RARB: variants seen among roughly 807,000 people sequenced by gnomAD.
RARB encodes HBV-activated protein.
Under a neutral mutation model 51.9 loss-of-function variants are expected in RARB, and 17 were observed. The ratio of observed to expected loss-of-function variants is 0.33; its 90% CI spans 0.22 to 0.49. The LOEUF (loss-of-function observed/expected upper bound fraction) is 0.49, where lower values mean the gene tolerates loss of function less well. Ranked by LOEUF, RARB falls within the 20% of genes least tolerant of loss-of-function variation. The probability of loss-of-function intolerance (pLI) is 0.99; values close to 1 mark genes in which losing one functional copy is unlikely to be tolerated. For missense variants in RARB, 369 were observed against 550.8 expected (o/e 0.67, Z 3.30); for synonymous variants, 215 against 195.4 (o/e 1.10, Z -0.84).
intron 2 of RARB, among the ~76,000 whole-genome samples, chr3:24,952,262 T>A (rs999816024): frequency 6.6e-6 from 1 of 151,820 alleles, no homozygotes; most frequent in Admixed American, 6.6e-5. Flanking sequence ...TTTTAGTGAA[T>A]TAAATTTACA....
At chr3:25,076,165 A>G (rs1226364160) in intron 3 of RARB, among the ~76,000 whole-genome samples, 4 of 151,578 alleles carry the variant, frequency 2.6e-5, no homozygotes, top group African/African-American at 9.7e-5. Flanking sequence ...TTTTTTAGAC[A>G]AAATCTCTCT....
intron 2 of RARB, among the ~76,000 whole-genome samples, chr3:25,470,093 C>G (rs1695613692): frequency 6.6e-6 from 1 of 152,092 alleles, no homozygotes; most frequent in East Asian, 1.9e-4. Context: ...TAGACTAACC[C>G]TTTTGAGGTA....
At chr3:25,148,261 G>A (rs1290065135) in intron 4 of RARB, among the ~76,000 whole-genome samples, 3 of 151,544 alleles carry the variant, frequency 2.0e-5, no homozygotes, top group Non-Finnish European at 3.0e-5. Flanking sequence ...GAAACACACC[G>A]TTCAATTCAC....
intron 5 of RARB, among the ~76,000 whole-genome samples, chr3:25,413,072 A>C (rs1707609462): frequency 6.6e-6 from 1 of 152,056 alleles, no homozygotes; most frequent in Non-Finnish European, 1.5e-5. Context: ...CCCGAACACC[A>C]AAAGCTCCTT....
At chr3:25,493,202 T>C (rs962295592) in intron 2 of RARB, among the ~76,000 whole-genome samples, 2 of 152,138 alleles carry the variant, frequency 1.3e-5, no homozygotes, top group Non-Finnish European at 2.9e-5. Context: ...ATAGGGTGTT[T>C]TTCTACTTTC....
At chr3:25,408,555 G>A (rs76135691) in intron 5 of RARB, among the ~76,000 whole-genome samples, 12,998 of 152,062 alleles carry the variant, frequency 0.085, 579 homozygotes, top group Middle Eastern at 0.16. Flanking sequence ...AACCATATCA[G>A]ACTGCAAATA....
chr3:25,151,866 A>G (rs1022051446), intron 4 of RARB, among the ~76,000 whole-genome samples: 1 of 152,046 alleles, frequency 6.6e-6, no homozygotes, highest in Non-Finnish European at 1.5e-5. Context: ...GCTTTTCTTC[A>G]CTTCAGCTAC....
At chr3:25,532,934 A>T (rs1470499757) in intron 3 of RARB, among the ~76,000 whole-genome samples, 1 of 152,208 alleles carries the variant, frequency 6.6e-6, no homozygotes, top group Non-Finnish European at 1.5e-5. Flanking sequence ...CTTGAGTCCT[A>T]TGCTTGCAAT....
Position 25,129,037 on chromosome 3 carries a change from C to T in RARB, c.-327-3124C>T, listed in dbSNP as rs192462656. Reference sequence around the variant, plus strand: ...ATGTAAGTTCTAATGAGAAACAGCCCATATCTAGAAAAAATAGTGTTTAAC... The same window carrying T: ...ATGTAAGTTCTAATGAGAAACAGCCTATATCTAGAAAAAATAGTGTTTAAC... On this transcript the variant is annotated intron_variant, in intron 3 of 11. Transcript: ENST00000383772. Among the ~76,000 whole-genome samples the T allele has an allele frequency of 1.1e-3, 171 of 151,970 alleles. 1 individual carries two copies. The highest frequency in any genetic ancestry group is 4.1e-3 in the African/African-American group (170 of 41,472).
chr3:24,880,021 A>C lies in RARB; in HGVS notation c.-380+21269A>C, dbSNP rs1703128457. On this transcript the variant is annotated intron_variant, in intron 2 of 11. Coordinates refer to the RARB transcript ENST00000383772. ...GCCCCTAATAGTCAAAGACATAAAC[A>C]AGATAAGGAGCTCCCCTTAGCTCTA... Among the ~76,000 whole-genome samples, 5 of 125,474 alleles carry C rather than the reference A, an allele frequency of 4.0e-5. No homozygotes were observed. The Admixed American group carries it at 4.1e-4, about 10-fold the overall frequency. The allele number at this position is 125,474 out of a possible 152,430, so 82.3% of individuals were successfully genotyped here.
intron 5 of RARB, among the ~76,000 whole-genome samples, chr3:25,366,316 G>T (rs1351032962): frequency 1.3e-5 from 2 of 152,162 alleles, no homozygotes; most frequent in Non-Finnish European, 2.9e-5. Flanking sequence ...CCAGTCCCAT[G>T]TTCCCCCTAC....
chr3:25,353,803 G>C (rs988157966), intron 5 of RARB, among the ~76,000 whole-genome samples: 1 of 152,058 alleles, frequency 6.6e-6, no homozygotes, highest in Non-Finnish European at 1.5e-5. Context: ...ACCCAGTTGT[G>C]ACAATAAACC....
At chr3:25,276,562 C>G (rs767191796) in intron 5 of RARB, among the ~76,000 whole-genome samples, 1 of 152,116 alleles carries the variant, frequency 6.6e-6, no homozygotes, top group Non-Finnish European at 1.5e-5. Flanking sequence ...GGAAACTACT[C>G]AAAGAAATTC....
At chr3:25,393,868 T>C (rs1455920508) in intron 5 of RARB, among the ~76,000 whole-genome samples, 1 of 152,126 alleles carries the variant, frequency 6.6e-6, no homozygotes, top group African/African-American at 2.4e-5. Flanking sequence ...ACTAGCTTTT[T>C]GTTTTTTCTA....
intron 2 of RARB, among the ~76,000 whole-genome samples, chr3:24,883,309 G>A (rs993902766): frequency 2.0e-5 from 3 of 151,052 alleles, no homozygotes; most frequent in Admixed American, 1.3e-4. Flanking sequence ...AGGGGTGAAA[G>A]ATTCACATTT....
In RARB at chr3:25,007,596, A is replaced by AAAAAAAAAAAAAAAAAAC. The variant is rs1287572028; in HGVS notation, c.-379-52521_-379-52520insAAAAAAAAACAAAAAAAA. Among the ~76,000 whole-genome samples, 5 of 142,270 alleles carry AAAAAAAAAAAAAAAAAAC rather than the reference A, an allele frequency of 3.5e-5. 1 individual carries two copies. The highest frequency in any genetic ancestry group is 6.0e-5 in the Non-Finnish European group (4 of 66,158). 93.3% of individuals were successfully genotyped at this position (142,270 alleles called of 152,430 possible). On this transcript the variant is annotated intron_variant, in intron 2 of 11. Coordinates refer to the RARB transcript ENST00000383772. ...GGCAACAGAGTGAGACTGTCTCAAA[A>AAAAAAAAAAAAAAAAAAC]AAAAAAAACAAAAAAACCTCATATT...
At chr3:24,893,903 A>AAAGC (rs1703433386) in intron 2 of RARB, among the ~76,000 whole-genome samples, 1 of 152,166 alleles carries the variant, frequency 6.6e-6, no homozygotes, top group Non-Finnish European at 1.5e-5. Context: ...CTTTTCAGAT[A>AAAGC]AAGCCAGTGA....
chr3:25,008,691 C>T (rs1053624322), intron 2 of RARB, among the ~76,000 whole-genome samples: 3 of 152,056 alleles, frequency 2.0e-5, no homozygotes, highest in Non-Finnish European at 4.4e-5. Flanking sequence ...AAGACCTTGT[C>T]AGCAAAAAAT....
chr3:25,086,390 G>A (rs1204458717), intron 3 of RARB, among the ~76,000 whole-genome samples: 1 of 152,132 alleles, frequency 6.6e-6, no homozygotes, highest in African/African-American at 2.4e-5. Context: ...CTTACAATTT[G>A]CTAACGTAAG....
Sources: gnomAD v4.1 joint callset for allele counts (sites outside exome capture counted in the v4.1 genomes callset) on GRCh38, gnomAD v4.1.1 for gene constraint, MANE v1.5 for transcripts, NCBI Gene and HGNC (gene_info 2026-07-23, HGNC 2026-07-21) for gene names.